The following SLC6A2 variants were observed in gnomAD, a reference collection of about 807,000 sequenced individuals.
The protein encoded by SLC6A2 is solute carrier family 6 member 2.
In SLC6A2, 26 loss-of-function variants were observed where a neutral mutation model predicts 71.7. The observed-to-expected ratio is 0.36, with a 90% CI of 0.27 to 0.50. The LOEUF is 0.50. SLC6A2 is among the 20% of genes least tolerant of loss of function. The pLI, the probability that SLC6A2 is intolerant of heterozygous loss-of-function variation, is 0.96. For missense variants in SLC6A2, 581 were observed against 803.9 expected (o/e 0.72, Z 3.35); for synonymous variants, 363 against 337.9 (o/e 1.07, Z -0.82).
At chr16:55,674,977 T>C (rs924518488) in intron 4 of SLC6A2, among the ~76,000 whole-genome samples, 22 of 152,220 alleles carry the variant, frequency 1.4e-4, no homozygotes, top group Non-Finnish European at 2.6e-4. Flanking sequence ...CAACAGTGTA[T>C]AAGCATTCCC....
At chr16:55,660,771 G>A (rs1449535859) in intron 2 of SLC6A2, among the ~76,000 whole-genome samples, 1 of 152,162 alleles carries the variant, frequency 6.6e-6, no homozygotes, top group East Asian at 1.9e-4. Context: ...CTGAAGCCAG[G>A]ACTCACCCGG....
At chr16:55,661,981 G>T (rs151072064) in intron 2 of SLC6A2, among the ~76,000 whole-genome samples, 28 of 152,252 alleles carry the variant, frequency 1.8e-4, no homozygotes, top group African/African-American at 6.0e-4. Context: ...GCTGCAGGGG[G>T]CTATCTACAC....
chr16:55,686,133 C>T (rs1189582561), intron 5 of SLC6A2, among the ~76,000 whole-genome samples: 1 of 152,202 alleles, frequency 6.6e-6, no homozygotes, highest in Admixed American at 6.5e-5. Context: ...TATTGTCTCT[C>T]ACAATTCTAT....
rs73546052 is a variant in SLC6A2, at chr16:55,703,867, G to A, written c.*1521G>A. ...AAGAGGATTATGAGGGGACCAGGGT[G>A]GGGCAGGGAGATGGTTTTGTCTCCC... is the stretch of plus-strand genomic sequence containing the variant. On this transcript the variant is annotated 3_prime_UTR_variant, in exon 15 of 15. Transcript: ENST00000568943. 569 of 951,486 alleles carry A rather than the reference G, an allele frequency of 6.0e-4. No homozygotes were observed. In the African/African-American group the frequency reaches 9.6e-3, roughly 16 times the overall value. 58.9% of individuals were successfully genotyped at this position (951,486 alleles called of 1,614,324 possible).
chr16:55,684,905 C>A (rs994197740), intron 4 of SLC6A2, among the ~76,000 whole-genome samples: 2 of 152,166 alleles, frequency 1.3e-5, no homozygotes, highest in Admixed American at 6.5e-5. Context: ...CAGCCATGAG[C>A]GTGGAATCTC....
At chr16:55,683,565 A>C (rs569529953) in intron 4 of SLC6A2, among the ~76,000 whole-genome samples, 33 of 152,312 alleles carry the variant, frequency 2.2e-4, no homozygotes, top group Admixed American at 3.9e-4. Flanking sequence ...GTGAGCCGTC[A>C]TCGCACCATT....
At chr16:55,673,563 T>C (rs1964989939) in intron 4 of SLC6A2, among the ~76,000 whole-genome samples, 1 of 149,826 alleles carries the variant, frequency 6.7e-6, no homozygotes. Context: ...CTATTTTATT[T>C]TATTTTTTTG....
intron 4 of SLC6A2, among the ~76,000 whole-genome samples, chr16:55,679,778 G>T (rs1328331835): frequency 6.6e-6 from 1 of 152,210 alleles, no homozygotes; most frequent in Non-Finnish European, 1.5e-5. Context: ...GCTGCTGCTG[G>T]GGTGAAAGGC....
intron 13 of SLC6A2, 21 bp from the exon 14 acceptor site, chr16:55,701,842 C>T (rs1207186772): frequency 3.1e-6 from 5 of 1,608,022 alleles, no homozygotes; most frequent in Admixed American, 1.7e-5. Context: ...CTGAGGCCTC[C>T]TCCCCTTCTC....
At chr16:55,671,581 G>T in intron 3 of SLC6A2, 2 of 486,582 alleles carry the variant, frequency 4.1e-6, no homozygotes, top group South Asian at 8.5e-5. Flanking sequence ...TCGCATGACC[G>T]CCTGAGCTCC....
chr16:55,663,222 T>G (rs1466811739), intron 2 of SLC6A2, among the ~76,000 whole-genome samples: 5 of 152,224 alleles, frequency 3.3e-5, no homozygotes, highest in African/African-American at 1.2e-4. Flanking sequence ...CCACTAAAAC[T>G]CCTGTTGAAG....
At chr16:55,681,342 T>C (rs560005037) in intron 4 of SLC6A2, among the ~76,000 whole-genome samples, 1 of 152,202 alleles carries the variant, frequency 6.6e-6, no homozygotes, top group Non-Finnish European at 1.5e-5. Flanking sequence ...AGCCATCACC[T>C]GCTTCTCCAC....
At chr16:55,675,756 A>G (rs1460547119) in intron 4 of SLC6A2, among the ~76,000 whole-genome samples, 1 of 150,588 alleles carries the variant, frequency 6.6e-6, no homozygotes, top group Non-Finnish European at 1.5e-5. Flanking sequence ...TTGCTACTGT[A>G]TTGGGCAGTG....
At position 55,656,820 on chromosome 16, in the gene SLC6A2, C is replaced by T. The variant is rs1217667380; in HGVS notation, c.126C>T (p.Val42=). 6.2e-7 allele frequency: 1 copy of T among 1,613,526 alleles called. No homozygotes were observed. Among genetic ancestry groups the T allele is most frequent in the Non-Finnish European group, 8.5e-7 (1 of 1,179,766 alleles). ...TGGTGGTGAAGGAGCGCAACGGCGT[C>T]CAGTGCCTGCTGGCGCCCCGCGACG... ...ELLVVKERNG[V]QCLLAPRDGD... is the part of the protein sequence containing the mutation. Residue 42 remains valine, a synonymous_variant, in exon 2 of 15, where the codon GTC becomes GTT. Coordinates refer to ENST00000568943, the MANE Select transcript of SLC6A2 (RefSeq NM_001172501.3). This position sits in a 1 kb window ranked among gnomAD's most constrained non-coding sequence, Gnocchi z 4.5.
At chr16:55,661,083 T>C (rs774626861) in intron 2 of SLC6A2, among the ~76,000 whole-genome samples, 1 of 152,298 alleles carries the variant, frequency 6.6e-6, no homozygotes. Flanking sequence ...CTGGTCTCCA[T>C]GAGGAGGCAG....
chr16:55,691,066 G>A (rs930192850), intron 5 of SLC6A2, among the ~76,000 whole-genome samples: 1 of 151,850 alleles, frequency 6.6e-6, no homozygotes, highest in Non-Finnish European at 1.5e-5. Flanking sequence ...TCCCTTCCTA[G>A]GCAATGTGCT....
intron 4 of SLC6A2, among the ~76,000 whole-genome samples, chr16:55,683,358 T>C (rs1224873468): frequency 6.6e-6 from 1 of 152,212 alleles, no homozygotes; most frequent in African/African-American, 2.4e-5. Context: ...ATGCCTGTAA[T>C]CCCAGCACTT....
At chr16:55,691,460 T>C (rs551657036) in intron 5 of SLC6A2, among the ~76,000 whole-genome samples, 9 of 152,258 alleles carry the variant, frequency 5.9e-5, no homozygotes, top group Admixed American at 2.0e-4. Flanking sequence ...CCTGTATTCA[T>C]AGCAACACTC....
Position 55,703,662 on chromosome 16 carries a change from G to T in SLC6A2, c.*1316G>T, listed in dbSNP as rs539276617. 21 of 985,412 alleles carry T rather than the reference G, an allele frequency of 2.1e-5. 1 individual carries two copies. In the South Asian group the frequency reaches 8.5e-4, roughly 40 times the overall value. The allele number at this position is 985,412 out of a possible 1,614,324, so 61.0% of individuals were successfully genotyped here. The stretch of plus-strand genomic sequence containing the variant: ...AGTTTGCTAAATTGGTGGCATCTTT[G>T]GGAGGGGTTTCTGTTTATGGTTAGA... On this transcript the variant is annotated 3_prime_UTR_variant, in exon 15 of 15. Coordinates refer to ENST00000568943, the MANE Select transcript of SLC6A2 (RefSeq NM_001172501.3).
Sources: allele counts gnomAD v4.1 joint callset (sites outside exome capture counted in the v4.1 genomes callset), GRCh38; gene constraint gnomAD v4.1.1; non-coding constraint Gnocchi (gnomAD v3.1); transcripts MANE v1.5; gene names NCBI Gene and HGNC (gene_info 2026-07-23, HGNC 2026-07-21).